The following ASXL1 variants were observed in gnomAD, a reference collection of about 807,000 sequenced individuals.
The protein encoded by ASXL1 is polycomb group protein ASXL1.
Under a neutral mutation model 89.1 loss-of-function variants are expected in ASXL1, and 65 were observed. The ratio of observed to expected loss-of-function variants is 0.73; its 90% confidence interval spans 0.60 to 0.90. The LOEUF (loss-of-function observed/expected upper bound fraction) is 0.90. Ranked by LOEUF, ASXL1 falls within the 40% of genes least tolerant of loss-of-function variation. The pLI is 0.00. For synonymous variants in ASXL1, 739 were observed against 746.9 expected (o/e 0.99, Z 0.17); for missense variants, 1,786 against 1,942.9 (o/e 0.92, Z 1.52).
At chr20:32,405,949 G>T (rs1363846618) in intron 4 of ASXL1, among the ~76,000 whole-genome samples, 1 of 151,722 alleles carries the variant, frequency 6.6e-6, no homozygotes, top group Non-Finnish European at 1.5e-5. Context: ...TCTTGCCCAG[G>T]CTTGGAGTGC....
In ASXL1 at chr20:32,366,536, ATGAG is replaced by A. The variant is rs1385702394; in HGVS notation, c.140+72_140+75del. On this transcript the variant is annotated intron_variant, in intron 2 of 12. Coordinates refer to ENST00000375687, the MANE Select transcript of ASXL1 (RefSeq NM_015338.6). ...TGTGTCTTTCTGTAGTTGTAGTGAT[ATGAG>A]TAAGTACACCTGTGTATGTATTTGT... 7.4e-6 allele frequency: 12 copies of A among 1,610,802 alleles called. No homozygotes were observed. In the African/African-American group the frequency reaches 1.5e-4, roughly 20 times the overall value.
Position 32,394,282 on chromosome 20 carries a change from G to A in ASXL1, c.252+25159G>A, listed in dbSNP as rs572756189. Among the ~76,000 whole-genome samples the A allele has an allele frequency of 3.9e-5, 6 of 152,152 alleles. No homozygotes were observed. The South Asian group carries it at 1.2e-3, about 32-fold the overall frequency. On this transcript the variant is annotated intron_variant, in intron 4 of 12. Transcript: ENST00000375687. The stretch of plus-strand genomic sequence containing the variant: ...CTCCCAAAGTGCTGGGATTACAGGC[G>A]TGAGCCACCGTGCCTGGCCTAATTT...
chr20:32,433,372 TCAGTGCGTATA>T lies in ASXL1; in HGVS notation c.1178_1188del (p.Val393AlafsTer13). Reference sequence around the variant, plus strand: ...AAGTGGCTTGTGTGTCCCAGGAGAATCAGTGCGTATACAGCGTGGTCCAGCCACCCGACAGC... The same window carrying T: ...AAGTGGCTTGTGTGTCCCAGGAGAATCAGCGTGGTCCAGCCACCCGACAGC... On this transcript the variant is annotated frameshift_variant, in exon 12 of 13. Transcript: ENST00000375687. LOFTEE classifies it high-confidence loss of function. 6.2e-7 allele frequency: 1 copy of T among 1,613,988 alleles called. No individual in the cohort carries two copies. Among genetic ancestry groups the T allele is most frequent in the Non-Finnish European group, 8.5e-7 (1 of 1,180,010 alleles).
At chr20:32,371,153 C>G (rs559606830) in intron 4 of ASXL1, among the ~76,000 whole-genome samples, 1 of 151,972 alleles carries the variant, frequency 6.6e-6, no homozygotes, top group East Asian at 1.9e-4. Flanking sequence ...AGCTTTGTAA[C>G]CTGGGAGGGA....
In ASXL1 at chr20:32,433,683, C is replaced by T. The variant is rs1367879606; in HGVS notation, c.1485C>T (p.Asp495=). The change falls in exon 12 of 13, where the codon GAC becomes GAT. Residue 495 remains aspartate, a synonymous_variant. Transcript: ENST00000375687. ...CTTCTCGGATCCAGGCTGAGCCAGA[C>T]AACTTGGCACGTGCCTCTGCATCTC... ...SVASRIQAEP[D]NLARASASPD... 2 of 1,611,020 alleles carry T rather than the reference C, an allele frequency of 1.2e-6. No individual in the cohort carries two copies. The highest frequency in any genetic ancestry group is 3.3e-5 in the Admixed American group (2 of 59,848).
At position 32,433,603 on chromosome 20, in the gene ASXL1, A is replaced by C. The variant is rs2123261870; in HGVS notation, c.1405A>C (p.Thr469Pro). 1 of 1,614,112 alleles carries C rather than the reference A, an allele frequency of 6.2e-7. No individual in the cohort carries two copies. The highest frequency in any genetic ancestry group is 8.5e-7 in the Non-Finnish European group (1 of 1,179,992). ...GCTGAGCAGTCCCCATCTGCCAGGC[A>C]CATCCTCTGCAGCACCCGACCTGGA... ...AGLSSPHLPG[T>P]SSAAPDLEGP... The change falls in exon 12 of 13, where the codon ACA becomes CCA. Residue 469 changes from threonine (T) to proline (P), a missense_variant. This residue lies in a region of ASXL1 where 1,418 missense variants were observed against 1,427.8 expected (regional missense o/e 0.99). Transcript: ENST00000375687.
At chr20:32,430,637 T>A (rs999463784) in intron 8 of ASXL1, 6 of 223,738 alleles carry the variant, frequency 2.7e-5, no homozygotes, top group Non-Finnish European at 5.4e-5. Flanking sequence ...CACATGCTGG[T>A]TTTTTTTGTA....
intron 1 of ASXL1, among the ~76,000 whole-genome samples, chr20:32,364,274 G>C (rs1455756756): frequency 1.3e-5 from 2 of 152,046 alleles, no homozygotes; most frequent in Non-Finnish European, 2.9e-5. Context: ...GAAGTGCAGT[G>C]GTGCCATCAC....
chr20:32,399,407 A>C (rs1023444239), intron 4 of ASXL1, among the ~76,000 whole-genome samples: 1 of 149,264 alleles, frequency 6.7e-6, no homozygotes, highest in Admixed American at 6.7e-5. Flanking sequence ...TTAGATTATG[A>C]TATGCCAGTA....
At chr20:32,388,675 G>T (rs1420045265) in intron 4 of ASXL1, among the ~76,000 whole-genome samples, 1 of 152,086 alleles carries the variant, frequency 6.6e-6, no homozygotes, top group African/African-American at 2.4e-5. Flanking sequence ...TTTTGCATCT[G>T]TATTTACAAG....
chr20:32,366,910 T>G (rs960164387), intron 2 of ASXL1, among the ~76,000 whole-genome samples: 6 of 152,176 alleles, frequency 3.9e-5, no homozygotes, highest in Non-Finnish European at 5.9e-5. Context: ...CCCTTACTAA[T>G]TGCAGTCATA....
At chr20:32,378,971 TA>T (rs1174559313) in intron 4 of ASXL1, among the ~76,000 whole-genome samples, 10 of 146,188 alleles carry the variant, frequency 6.8e-5, no homozygotes, top group African/African-American at 1.0e-4. Flanking sequence ...CTATTAAAAA[TA>T]AAAAAAAAAC....
Position 32,435,633 on chromosome 20 carries a change from A to G in ASXL1, c.2921A>G (p.Tyr974Cys). Residue 974 changes from tyrosine to cysteine, a missense_variant, in exon 13 of 13, where the codon TAC (tyrosine) becomes TGC (cysteine). Tyr to Cys is a radical substitution (Grantham distance 194). This residue lies in a region of ASXL1 where 1,418 missense variants were observed against 1,427.8 expected (regional missense o/e 0.99). Coordinates refer to ENST00000375687, the MANE Select transcript of ASXL1 (RefSeq NM_015338.6). ...GGAGGCAGTGACAGCAATGGCAGTT[A>G]CTGTCAACAGGTGGACATTGAAAAG... ...SRGGSDSNGS[Y>C]CQQVDIEKLK... 6.2e-7 allele frequency: 1 copy of G among 1,614,156 alleles called. No individual in the cohort carries two copies. Among genetic ancestry groups the G allele is most frequent in the Non-Finnish European group, 8.5e-7 (1 of 1,180,034 alleles).
In ASXL1 at chr20:32,428,229, T is replaced by A. The variant is rs2011389775; in HGVS notation, c.354T>A (p.Thr118=). The A allele has an allele frequency of 1.9e-6, 3 of 1,614,148 alleles. No individual in the cohort carries two copies. Among genetic ancestry groups the A allele is most frequent in the African/African-American group, 1.3e-5 (1 of 75,032 alleles). Residue 118 remains threonine (T), a synonymous_variant, in exon 5 of 13, where the codon ACT becomes ACA. Coordinates refer to ENST00000375687, the MANE Select transcript of ASXL1 (RefSeq NM_015338.6). ...VESCGSNEAS[T]VSGENDVSLD... The stretch of plus-strand genomic sequence containing the variant: ...GCTGTGGGTCTAATGAAGCCAGCAC[T>A]GTGAGTGGTGAAAACGATGGTAAGG...
intron 4 of ASXL1, among the ~76,000 whole-genome samples, chr20:32,407,170 C>T (rs1025559564): frequency 6.6e-6 from 1 of 151,948 alleles, no homozygotes; most frequent in African/African-American, 2.4e-5. Context: ...GGTGAAACCC[C>T]ATCTCTACTA....
chr20:32,369,359 C>T (rs1314491240), intron 4 of ASXL1, among the ~76,000 whole-genome samples: 1 of 151,974 alleles, frequency 6.6e-6, no homozygotes, highest in African/African-American at 2.4e-5. Context: ...AGTGATTCTC[C>T]CACCTCAACC....
intron 1 of ASXL1, chr20:32,359,376 T>A: frequency 2.8e-6 from 2 of 702,528 alleles, no homozygotes; most frequent in Non-Finnish European, 5.2e-6. Context: ...GCTTGAACCC[T>A]GAGCAGCGGT....
In ASXL1 at chr20:32,429,493, T is replaced by G; in HGVS notation, c.565+62T>G. ...AGGTCCTGGGGACCTGGCCTCCCTC[T>G]GTCAGCAGTTTCTGACCTAATAGTG... is the stretch of plus-strand genomic sequence containing the variant. On this transcript the variant is annotated intron_variant, in intron 7 of 12. Coordinates refer to ENST00000375687, the MANE Select transcript of ASXL1 (RefSeq NM_015338.6). The surrounding 1 kb of genome is among the most constrained non-coding windows in gnomAD (Gnocchi z 4.9). The G allele has an allele frequency of 1.3e-6, 2 of 1,530,838 alleles. No homozygotes were observed. Among genetic ancestry groups the G allele is most frequent in the Non-Finnish European group, 1.8e-6 (2 of 1,105,128 alleles). 94.8% of individuals were successfully genotyped at this position (1,530,838 alleles called of 1,614,324 possible). A position where few individuals can be genotyped will look rare whatever the true frequency, so the allele number is the denominator to read the frequency against.
chr20:32,380,777 A>G lies in ASXL1; in HGVS notation c.252+11654A>G, dbSNP rs570590783. Among the ~76,000 whole-genome samples the G allele has an allele frequency of 3.9e-5, 6 of 152,302 alleles. No homozygotes were observed. The South Asian group carries it at 1.2e-3, about 32-fold the overall frequency. On this transcript the variant is annotated intron_variant, in intron 4 of 12. Coordinates refer to ENST00000375687, the MANE Select transcript of ASXL1 (RefSeq NM_015338.6). ...CAAAGAAACAAAAAAAACCCAAATG[A>G]TTTACTTACCATTAAATACCAAGAA... is the stretch of plus-strand genomic sequence containing the variant.
Sources: gnomAD v4.1 joint callset for allele counts (sites outside exome capture counted in the v4.1 genomes callset) on GRCh38, gnomAD v4.1.1 for gene constraint, gnomAD v4.1.1 regional missense constraint, Gnocchi (gnomAD v3.1) non-coding constraint, MANE v1.5 for transcripts, NCBI Gene and HGNC (gene_info 2026-07-23, HGNC 2026-07-21) for gene names.